The following CNTN4 variants were observed in gnomAD, a reference collection of about 807,000 sequenced individuals.
CNTN4 encodes contactin-4.
CNTN4 carries 77 observed loss-of-function variants against 122.5 expected under a neutral mutation model. The ratio of observed to expected loss-of-function variants is 0.63; its 90% CI spans 0.52 to 0.76. The LOEUF (loss-of-function observed/expected upper bound fraction) is 0.76, where lower values mean the gene tolerates loss of function less well. CNTN4 is among the 30% of genes least tolerant of loss of function. The pLI is 0.00. For missense variants in CNTN4, 1,256 were observed against 1,259.1 expected, an observed-to-expected ratio of 1.00 and a Z score of 0.04; for synonymous variants, 512 against 447.0, an observed-to-expected ratio of 1.15 and a Z score of -1.83.
At chr3:2,236,241 C>T (rs545745925) in intron 2 of CNTN4, among the ~76,000 whole-genome samples, 5 of 152,176 alleles carry the variant, frequency 3.3e-5, no homozygotes, top group Admixed American at 1.3e-4. Flanking sequence ...GCAGGAAGTA[C>T]GTAGGAGCTG....
intron 4 of CNTN4, among the ~76,000 whole-genome samples, chr3:2,627,696 T>C (rs960167033): frequency 4.6e-5 from 7 of 152,022 alleles, no homozygotes; most frequent in African/African-American, 1.7e-4. Flanking sequence ...GGTTTCACCG[T>C]GTTAGCCAGG....
At chr3:2,496,339 A>C (rs1282721254) in intron 3 of CNTN4, among the ~76,000 whole-genome samples, 1 of 152,136 alleles carries the variant, frequency 6.6e-6, no homozygotes, top group African/African-American at 2.4e-5. Flanking sequence ...TGTCAGGAAA[A>C]TATTGTTTTA....
At chr3:2,879,042 G>A (rs1374355200) in intron 8 of CNTN4, among the ~76,000 whole-genome samples, 1 of 152,088 alleles carries the variant, frequency 6.6e-6, no homozygotes, top group Non-Finnish European at 1.5e-5. Flanking sequence ...AAATAGATAT[G>A]GTGAAGTCCT....
intron 2 of CNTN4, among the ~76,000 whole-genome samples, chr3:2,338,396 T>G (rs1370040299): frequency 2.6e-5 from 4 of 151,886 alleles, no homozygotes; most frequent in Non-Finnish European, 5.9e-5. Context: ...TAAGCCAGAG[T>G]AGAATAGTAT....
intron 24 of CNTN4, among the ~76,000 whole-genome samples, chr3:3,055,382 C>G (rs1043942351): frequency 6.6e-6 from 1 of 152,130 alleles, no homozygotes; most frequent in Non-Finnish European, 1.5e-5. Flanking sequence ...ATATATTAAG[C>G]AATTATATTG....
At chr3:2,511,927 T>G (rs186815486) in intron 3 of CNTN4, among the ~76,000 whole-genome samples, 1 of 152,326 alleles carries the variant, frequency 6.6e-6, no homozygotes, top group East Asian at 1.9e-4. Context: ...ATTATTGGCT[T>G]TGTTTTTAAT....
chr3:2,819,338 A>G (rs551495465), intron 6 of CNTN4, 148 bp from the exon 7 acceptor site: 34 of 680,672 alleles, frequency 5.0e-5, no homozygotes, highest in African/African-American at 4.9e-4. Flanking sequence ...ACAATGTCAT[A>G]TGAAAAGAAG....
chr3:2,652,335 AAG>A (rs1438258203), intron 4 of CNTN4, among the ~76,000 whole-genome samples: 1 of 152,200 alleles, frequency 6.6e-6, no homozygotes, highest in East Asian at 1.9e-4. Context: ...GTGCCTAAAT[AAG>A]TACTAGTAAT....
intron 4 of CNTN4, among the ~76,000 whole-genome samples, chr3:2,721,784 T>G (rs1398178438): frequency 6.6e-6 from 1 of 152,194 alleles, no homozygotes; most frequent in East Asian, 1.9e-4. Flanking sequence ...CACTGTCAAC[T>G]CTATTTGCTA....
At chr3:2,559,913 C>T (rs138033204) in intron 3 of CNTN4, among the ~76,000 whole-genome samples, 2 of 152,252 alleles carry the variant, frequency 1.3e-5, no homozygotes, top group African/African-American at 4.8e-5. Context: ...TACCGTGATA[C>T]CCAGTGCTTG....
At chr3:2,833,276 A>G (rs948835449) in intron 7 of CNTN4, among the ~76,000 whole-genome samples, 12 of 152,226 alleles carry the variant, frequency 7.9e-5, no homozygotes, top group Non-Finnish European at 1.6e-4. Flanking sequence ...GAGAAATGGA[A>G]ATATTAAAAT....
chr3:2,705,307 G>A (rs1350085060), intron 4 of CNTN4, among the ~76,000 whole-genome samples: 1 of 144,484 alleles, frequency 6.9e-6, no homozygotes, highest in Non-Finnish European at 1.5e-5. Context: ...GGCAGAGCTT[G>A]CAGTGAGCCG....
At chr3:2,473,776 G>A (rs1238831711) in intron 3 of CNTN4, among the ~76,000 whole-genome samples, 6 of 152,232 alleles carry the variant, frequency 3.9e-5, no homozygotes, top group African/African-American at 1.4e-4. Context: ...ACTTTGGGAG[G>A]CCGAGGTGGG....
intron 2 of CNTN4, among the ~76,000 whole-genome samples, chr3:2,261,630 A>C (rs78401766): frequency 6.6e-6 from 1 of 152,098 alleles, no homozygotes; most frequent in Non-Finnish European, 1.5e-5. Context: ...AACACCAACT[A>C]TTCCAGGCTG....
intron 2 of CNTN4, among the ~76,000 whole-genome samples, chr3:2,288,449 G>A (rs2042018652): frequency 6.6e-6 from 1 of 152,094 alleles, no homozygotes; most frequent in South Asian, 2.1e-4. Flanking sequence ...CCATGAAAAT[G>A]GCACTAAGCC....
chr3:2,839,075 CA>C (rs199984352), intron 7 of CNTN4, among the ~76,000 whole-genome samples: 1,883 of 150,888 alleles, frequency 0.012, 38 homozygotes, highest in African/African-American at 0.043. Context: ...TAACCAGTTA[CA>C]AAAAAAAATC....
intron 6 of CNTN4, among the ~76,000 whole-genome samples, chr3:2,775,693 T>C (rs2091288467): frequency 6.6e-6 from 1 of 152,196 alleles, no homozygotes; most frequent in Non-Finnish European, 1.5e-5. Flanking sequence ...ACTGCTGAGA[T>C]GACAGATGTG....
At chr3:2,219,885 C>G (rs2038994337) in intron 2 of CNTN4, among the ~76,000 whole-genome samples, 1 of 152,156 alleles carries the variant, frequency 6.6e-6, no homozygotes, top group Admixed American at 6.5e-5. Context: ...TCATACCATG[C>G]TTCTATTTAT....
intron 2 of CNTN4, among the ~76,000 whole-genome samples, chr3:2,323,923 A>AC (rs1475805852): frequency 6.6e-6 from 1 of 152,210 alleles, no homozygotes; most frequent in Non-Finnish European, 1.5e-5. Context: ...GCTGGTGGAG[A>AC]CAGGACTAAC....
Sources: gnomAD v4.1 joint callset for allele counts (sites outside exome capture counted in the v4.1 genomes callset) on GRCh38, gnomAD v4.1.1 for gene constraint, MANE v1.5 for transcripts, NCBI Gene and HGNC (gene_info 2026-07-23, HGNC 2026-07-21) for gene names.